The following XPNPEP3 variants were observed in gnomAD, a reference collection of about 807,000 sequenced individuals.
The protein encoded by XPNPEP3 is X-prolyl aminopeptidase 3.
XPNPEP3 carries 41 observed loss-of-function variants against 60.0 expected under a neutral mutation model. That is an observed-to-expected ratio of 0.68 (90% CI 0.53 to 0.89). The LOEUF is 0.89. XPNPEP3 is among the 40% of genes least tolerant of loss of function. XPNPEP3 has a pLI of 0.00. For missense variants in XPNPEP3, 598 were observed against 638.9 expected (o/e 0.94, Z 0.69); for synonymous variants, 212 against 223.2 (o/e 0.95, Z 0.45).
intron 1 of XPNPEP3, among the ~76,000 whole-genome samples, chr22:40,865,476 G>A (rs1253343149): frequency 6.6e-6 from 1 of 151,768 alleles, no homozygotes; most frequent in Non-Finnish European, 1.5e-5. Context: ...TTACAGGCAT[G>A]TGCCACCATG....
chr22:40,926,226 TACTA>T (rs1569034363), intron 9 of XPNPEP3, 39 bp from the exon 10 acceptor site: 5 of 1,612,728 alleles, frequency 3.1e-6, no homozygotes. Context: ...ACCACCCAGT[TACTA>T]TCATTCCTGA....
chr22:40,865,327 T>G (rs1355126807), intron 1 of XPNPEP3, among the ~76,000 whole-genome samples: 1 of 24,588 alleles, frequency 4.1e-5, no homozygotes, highest in Admixed American at 7.4e-4. Flanking sequence ...CCTCCTCACT[T>G]TTTTTTTTTT....
At chr22:40,909,441 T>C (rs1049169749) in intron 6 of XPNPEP3, among the ~76,000 whole-genome samples, 12 of 152,160 alleles carry the variant, frequency 7.9e-5, no homozygotes, top group Non-Finnish European at 1.5e-4. Context: ...CATGCCTCTT[T>C]AATAGATGAG....
intron 2 of XPNPEP3, among the ~76,000 whole-genome samples, chr22:40,879,644 C>T (rs1311659080): frequency 1.3e-5 from 2 of 152,016 alleles, no homozygotes; most frequent in East Asian, 1.9e-4. Context: ...GAGTTCGAAA[C>T]CAGCCTGGAC....
chr22:40,888,100 CCCT>C (rs1396501308), intron 4 of XPNPEP3, among the ~76,000 whole-genome samples: 1 of 152,132 alleles, frequency 6.6e-6, no homozygotes, highest in Non-Finnish European at 1.5e-5. Flanking sequence ...TCCCATTCTC[CCCT>C]CCTCCAGCCC....
At position 40,926,254 on chromosome 22, in the gene XPNPEP3, C is replaced by G. The variant is rs1736452422; in HGVS notation, c.1358-15C>G. The G allele has an allele frequency of 6.2e-7, 1 of 1,613,994 alleles. No homozygotes were observed. The highest frequency in any genetic ancestry group is 1.7e-5 in the Admixed American group (1 of 59,984). On this transcript the variant is annotated splice_polypyrimidine_tract_variant and intron_variant, in intron 9 of 9. Transcript: ENST00000357137. Reference sequence around the variant, plus strand: ...TATCATTCCTGAACAGCATGTTCTTCTTTCTACTTCACAGGCATTTATATT... The same window carrying G: ...TATCATTCCTGAACAGCATGTTCTTGTTTCTACTTCACAGGCATTTATATT...
At chr22:40,872,651 A>G (rs551035157) in intron 2 of XPNPEP3, among the ~76,000 whole-genome samples, 1 of 152,052 alleles carries the variant, frequency 6.6e-6, no homozygotes, top group African/African-American at 2.4e-5. Context: ...GGGTTTCACC[A>G]TGTTGGCCAG....
intron 9 of XPNPEP3, 29 bp from the exon 10 acceptor site, chr22:40,926,240 A>T: frequency 6.2e-7 from 1 of 1,614,040 alleles, no homozygotes; most frequent in East Asian, 2.2e-5. Context: ...ATCATTCCTG[A>T]ACAGCATGTT....
In XPNPEP3 at chr22:40,931,337, T is replaced by G. The variant is rs550366125; in HGVS notation, c.*4902T>G. The G allele has an allele frequency of 2.7e-4, 41 of 152,340 alleles. No individual in the cohort carries two copies. The highest frequency in any genetic ancestry group is 9.9e-4 in the African/African-American group (41 of 41,574). 9.4% of individuals were successfully genotyped at this position (152,340 alleles called of 1,614,324 possible). A position where few individuals can be genotyped will look rare whatever the true frequency, so the allele number is the denominator to read the frequency against. On this transcript the variant is annotated 3_prime_UTR_variant, in exon 10 of 10. Transcript: ENST00000357137. ...CTGGATATCCAGTGTCACATACTTTTATGTATTTATTTCAGGAATTACTAT... is the reference window on the plus strand; with the variant it reads ...CTGGATATCCAGTGTCACATACTTTGATGTATTTATTTCAGGAATTACTAT...
At chr22:40,859,204 A>G (rs2057925909) in intron 1 of XPNPEP3, among the ~76,000 whole-genome samples, 1 of 152,214 alleles carries the variant, frequency 6.6e-6, no homozygotes, top group South Asian at 2.1e-4. Flanking sequence ...AGAGCATAAG[A>G]TGAGTACAAG....
At chr22:40,869,856 G>C (rs1313885634) in intron 2 of XPNPEP3, among the ~76,000 whole-genome samples, 1 of 152,146 alleles carries the variant, frequency 6.6e-6, no homozygotes, top group African/African-American at 2.4e-5. Flanking sequence ...TGTAGAAAAA[G>C]CAATCAGGTT....
At chr22:40,893,208 A>G (rs2058095088) in intron 4 of XPNPEP3, among the ~76,000 whole-genome samples, 1 of 148,242 alleles carries the variant, frequency 6.7e-6, no homozygotes, top group Admixed American at 6.8e-5. Flanking sequence ...TTCCCAACAC[A>G]GATCCTTTTT....
Position 40,882,085 on chromosome 22 carries a change from C to T in XPNPEP3, c.497C>T (p.Pro166Leu), listed in dbSNP as rs772208388. The change falls in exon 3 of 10, where the codon CCG (proline) becomes CTG (leucine). Residue 166 changes from proline to leucine, a missense_variant. Transcript: ENST00000357137. ...CCCAGTCGAGAACTTTGGGATGGTC[C>T]GCGATCTGGCACTGATGGAGCAATA... ...RDPSRELWDG[P>L]RSGTDGAIAL... 1.9e-5 allele frequency: 31 copies of T among 1,613,870 alleles called. No individual in the cohort carries two copies. Among genetic ancestry groups the T allele is most frequent in the Non-Finnish European group, 2.5e-5 (30 of 1,179,940 alleles).
chr22:40,880,091 G>A (rs1057428421), intron 2 of XPNPEP3, among the ~76,000 whole-genome samples: 10 of 150,180 alleles, frequency 6.7e-5, no homozygotes, highest in Admixed American at 6.6e-4. Context: ...GAGTACTAAG[G>A]AAATTCAAAG....
At chr22:40,908,253 C>T (rs762493049) in intron 5 of XPNPEP3, among the ~76,000 whole-genome samples, 1 of 150,620 alleles carries the variant, frequency 6.6e-6, no homozygotes, top group Non-Finnish European at 1.5e-5. Context: ...GGCGTGCTGG[C>T]ACATGCCTGT....
intron 9 of XPNPEP3, among the ~76,000 whole-genome samples, chr22:40,925,573 C>T (rs909782239): frequency 2.6e-5 from 4 of 152,148 alleles, no homozygotes; most frequent in African/African-American, 4.8e-5. Flanking sequence ...CTTTTTCAAT[C>T]GCAGAGCAGT....
intron 7 of XPNPEP3, chr22:40,917,963 A>G (rs1434151598): frequency 6.6e-6 from 1 of 150,836 alleles, no homozygotes; most frequent in Non-Finnish European, 1.5e-5. Context: ...GTGAGCTGTG[A>G]CTGCACTACT....
rs1359150520 is a variant in XPNPEP3 at position 40,926,343 on chromosome 22, G to C, written c.1432G>C (p.Val478Leu). Residue 478 changes from valine (V) to leucine (L), a missense_variant, in exon 10 of 10, where the codon GTA becomes CTA. Physicochemically the swap from Val to Leu is conservative, Grantham distance 32. Transcript: ENST00000357137. ...TCTTGGTGTACGAATTGAGGATGAT[G>C]TAGTGGTGACTCAGGACTCACCTCT... ...RGLGVRIEDD[V>L]VVTQDSPLIL... 6.2e-7 allele frequency: 1 copy of C among 1,614,188 alleles called. No individual in the cohort carries two copies. The highest frequency in any genetic ancestry group is 8.5e-7 in the Non-Finnish European group (1 of 1,180,028).
chr22:40,876,558 G>C (rs527502920), intron 2 of XPNPEP3, among the ~76,000 whole-genome samples: 30 of 152,328 alleles, frequency 2.0e-4, no homozygotes, highest in African/African-American at 7.0e-4. Flanking sequence ...TCCAAACTTA[G>C]TGAATTGCTA....
Sources: allele counts gnomAD v4.1 joint callset (sites outside exome capture counted in the v4.1 genomes callset), GRCh38; gene constraint gnomAD v4.1.1; transcripts MANE v1.5; gene names NCBI Gene and HGNC (gene_info 2026-07-23, HGNC 2026-07-21).